The following ERCC8 variants were observed in gnomAD, a reference collection of about 807,000 sequenced individuals.
ERCC8 encodes the protein DNA excision repair protein ERCC-8.
In ERCC8, 52 loss-of-function variants were observed where a neutral mutation model predicts 54.9. That is an observed-to-expected ratio of 0.95 (90% CI 0.76 to 1.19). The LOEUF (loss-of-function observed/expected upper bound fraction) is 1.19. Among genes scored for constraint, ERCC8 ranks in the 50% most tolerant of loss-of-function variants. The pLI is 0.00. For synonymous variants in ERCC8, 146 were observed against 157.2 expected, an observed-to-expected ratio of 0.93 and a Z score of 0.53; for missense variants, 514 against 466.1, an observed-to-expected ratio of 1.10 and a Z score of -0.95.
chr5:60,929,015 T>G, intron 1 of ERCC8, 56 bp from the exon 2 acceptor site: 1 of 1,092,030 alleles, frequency 9.2e-7, no homozygotes, highest in Non-Finnish European at 1.4e-6. Context: ...TTTAAAAATT[T>G]CTTATTTAAC....
intron 9 of ERCC8, chr5:60,893,231 TA>T: frequency 1.0e-6 from 1 of 998,546 alleles, no homozygotes; most frequent in Non-Finnish European, 1.6e-6. Flanking sequence ...CTCCTTGTAA[TA>T]AGCCTTCATA....
chr5:60,937,890 C>G (rs2112544581), intron 1 of ERCC8, among the ~76,000 whole-genome samples: 1 of 152,142 alleles, frequency 6.6e-6, no homozygotes, highest in South Asian at 2.1e-4. Flanking sequence ...CTCTGTCCAT[C>G]TGAGTGGGAG....
intron 9 of ERCC8, among the ~76,000 whole-genome samples, chr5:60,894,912 C>G (rs980071382): frequency 2.0e-5 from 3 of 151,912 alleles, no homozygotes; most frequent in African/African-American, 7.3e-5. Context: ...GTCTCACTCC[C>G]GTAATCCCAG....
chr5:60,902,593 G>C (rs1748934945), intron 6 of ERCC8, 85 bp from the exon 7 acceptor site: 1 of 1,032,346 alleles, frequency 9.7e-7, no homozygotes, highest in African/African-American at 1.6e-5. Context: ...TGATTCTGAA[G>C]AAAGTGAGGC....
chr5:60,914,783 G>C lies in ERCC8; in HGVS notation c.399+3482C>G, dbSNP rs1580017959. On this transcript the variant is annotated intron_variant, in intron 4 of 11. Coordinates refer to ENST00000676185, the MANE Select transcript of ERCC8 (RefSeq NM_000082.4). ...GCTTGGGGAACAGGGCAAGACTCTTGTCTCTTAAAAAAAAAAAAAAAAAAA... is the reference window on the plus strand; with the variant it reads ...GCTTGGGGAACAGGGCAAGACTCTTCTCTCTTAAAAAAAAAAAAAAAAAAA... Among the ~76,000 whole-genome samples, 3 of 94,462 alleles carry C rather than the reference G, an allele frequency of 3.2e-5. No individual in the cohort carries two copies. In the Admixed American group the frequency reaches 4.0e-4, roughly 13 times the overall value. 62.0% of individuals were successfully genotyped at this position (94,462 alleles called of 152,430 possible).
chr5:60,892,192 A>T, intron 9 of ERCC8: 1 of 525,728 alleles, frequency 1.9e-6, no homozygotes, highest in Non-Finnish European at 3.8e-6. Context: ...CCATCTGATG[A>T]CGATTCGGAT....
At chr5:60,939,526 C>G (rs1489194416) in intron 1 of ERCC8, among the ~76,000 whole-genome samples, 3 of 152,080 alleles carry the variant, frequency 2.0e-5, no homozygotes, top group Non-Finnish European at 4.4e-5. Flanking sequence ...GAGACAGAGT[C>G]TCGCTCTGTC....
rs1356513931 is a variant in ERCC8 at position 60,869,600 on chromosome 5, C to T, written c.*5015G>A. 6.6e-6 allele frequency among the ~76,000 whole-genome samples: 1 copy of T among 152,062 alleles called. No homozygotes were observed. The highest frequency in any genetic ancestry group is 1.5e-5 in the Non-Finnish European group (1 of 67,984). ...AGGAACACTTCAGTTCATGGGATAACTTTTTTTCTCTATTAAGGTGTTCCC... is the reference window on the plus strand; with the variant it reads ...AGGAACACTTCAGTTCATGGGATAATTTTTTTTCTCTATTAAGGTGTTCCC... On this transcript the variant is annotated 3_prime_UTR_variant, in exon 12 of 12. Coordinates refer to ENST00000676185, the MANE Select transcript of ERCC8 (RefSeq NM_000082.4).
intron 1 of ERCC8, among the ~76,000 whole-genome samples, chr5:60,931,128 A>T (rs1353002703): frequency 6.6e-6 from 1 of 152,078 alleles, no homozygotes; most frequent in Non-Finnish European, 1.5e-5. Flanking sequence ...TCAAAAAAAA[A>T]AAAAGCCTAC....
chr5:60,879,318 T>G (rs1748125509), intron 11 of ERCC8, among the ~76,000 whole-genome samples: 1 of 152,192 alleles, frequency 6.6e-6, no homozygotes, highest in African/African-American at 2.4e-5. Flanking sequence ...ATAGGTGTGG[T>G]GTGGTGCTGA....
intron 9 of ERCC8, among the ~76,000 whole-genome samples, chr5:60,897,929 G>C (rs1198821185): frequency 1.3e-5 from 2 of 152,184 alleles, no homozygotes; most frequent in Non-Finnish European, 2.9e-5. Flanking sequence ...CAGATTTTCA[G>C]ATTAGGGATA....
At chr5:60,877,118 A>C (rs1748035644) in intron 11 of ERCC8, among the ~76,000 whole-genome samples, 1 of 152,196 alleles carries the variant, frequency 6.6e-6, no homozygotes, top group South Asian at 2.1e-4. Flanking sequence ...TTATCCCAGC[A>C]CCATTTACTA....
intron 1 of ERCC8, among the ~76,000 whole-genome samples, chr5:60,939,109 T>G (rs965540405): frequency 1.2e-4 from 19 of 152,222 alleles, no homozygotes; most frequent in African/African-American, 3.9e-4. Flanking sequence ...TATTATTCCT[T>G]CTTTACTTAA....
At chr5:60,881,090 C>T (rs1446355583) in intron 11 of ERCC8, among the ~76,000 whole-genome samples, 5 of 152,148 alleles carry the variant, frequency 3.3e-5, no homozygotes, top group Non-Finnish European at 5.9e-5. Context: ...ACAGTCAGGA[C>T]CCTCAGCAAC....
intron 9 of ERCC8, among the ~76,000 whole-genome samples, chr5:60,896,161 T>A (rs531470604): frequency 6.6e-6 from 1 of 152,030 alleles, no homozygotes; most frequent in Non-Finnish European, 1.5e-5. Flanking sequence ...AATTTTGTAC[T>A]TTTAGTAGAG....
At position 60,918,370 on chromosome 5, in the gene ERCC8, GT is replaced by G; in HGVS notation, c.293del (p.His98ProfsTer27). The G allele has an allele frequency of 6.2e-7, 1 of 1,609,660 alleles. No individual in the cohort carries two copies. Among genetic ancestry groups the G allele is most frequent in the Non-Finnish European group, 8.5e-7 (1 of 1,176,826 alleles). ...ACTGTACAGTCTCCACACTGTATCTGTGAACATCAGGATGATCTCTACAAAA... is the reference window on the plus strand; with the variant it reads ...ACTGTACAGTCTCCACACTGTATCTGGAACATCAGGATGATCTCTACAAAA... ...CSIGRDHPDV[H>X]RYSVETVQWY... On this transcript the variant is annotated frameshift_variant, in exon 4 of 12. Coordinates refer to ENST00000676185, the MANE Select transcript of ERCC8 (RefSeq NM_000082.4). LOFTEE classifies it high-confidence loss of function.
intron 10 of ERCC8, 23 bp from the exon 11 acceptor site, chr5:60,887,543 GA>G: frequency 1.3e-6 from 2 of 1,527,048 alleles, no homozygotes; most frequent in Non-Finnish European, 1.8e-6. Context: ...AGGCAAAGAT[GA>G]TACTGTGGAT....
intron 1 of ERCC8, chr5:60,931,970 GCT>G (rs1749921651): frequency 6.6e-6 from 1 of 152,092 alleles, no homozygotes. Flanking sequence ...AACAGCTTGG[GCT>G]CTGATTTCTG....
intron 1 of ERCC8, among the ~76,000 whole-genome samples, chr5:60,940,191 T>A (rs1750216187): frequency 6.6e-6 from 1 of 152,178 alleles, no homozygotes; most frequent in Non-Finnish European, 1.5e-5. Context: ...CAGTTCTGGG[T>A]AATACTACTA....
Sources: allele counts gnomAD v4.1 joint callset (sites outside exome capture counted in the v4.1 genomes callset), GRCh38; gene constraint gnomAD v4.1.1; transcripts MANE v1.5; gene names NCBI Gene and HGNC (gene_info 2026-07-23, HGNC 2026-07-21).